The following TGM4 variants were observed in gnomAD, a reference collection of about 807,000 sequenced individuals.
The protein encoded by TGM4 is transglutaminase 4.
Under a neutral mutation model 76.3 loss-of-function variants are expected in TGM4, and 61 were observed. The observed-to-expected ratio is 0.80, with a 90% CI of 0.65 to 0.99. TGM4 has a LOEUF of 0.99. Ranked by LOEUF, TGM4 falls within the 50% of genes least tolerant of loss-of-function variation. TGM4 has a pLI of 0.00. For synonymous variants in TGM4, 337 were observed against 329.8 expected, an observed-to-expected ratio of 1.02 and a Z score of -0.24; for missense variants, 794 against 843.2, an observed-to-expected ratio of 0.94 and a Z score of 0.72.
intron 1 of TGM4, 144 bp downstream of exon 1, chr3:44,874,841 T>C: frequency 1.1e-6 from 1 of 898,366 alleles, no homozygotes; most frequent in Non-Finnish European, 1.7e-6. Context: ...TTCTGTCTCA[T>C]CCCTTTTTAG....
intron 3 of TGM4, among the ~76,000 whole-genome samples, chr3:44,889,345 A>C (rs1699657421): frequency 1.3e-5 from 2 of 152,044 alleles, no homozygotes; most frequent in South Asian, 4.1e-4. Context: ...TTCTCTCCAG[A>C]GGGTGCTGGA....
intron 8 of TGM4, chr3:44,903,594 G>A (rs1035523813): frequency 7.3e-6 from 3 of 410,714 alleles, no homozygotes; most frequent in Non-Finnish European, 1.3e-5. Flanking sequence ...ACCATCTCTA[G>A]TGGTGAAGAC....
At chr3:44,905,715 G>A (rs1270542930) in intron 9 of TGM4, among the ~76,000 whole-genome samples, 2 of 152,236 alleles carry the variant, frequency 1.3e-5, no homozygotes, top group Non-Finnish European at 2.9e-5. Context: ...AAAAAATGCT[G>A]TTAAAAGTGA....
At chr3:44,901,757 C>A in intron 7 of TGM4, 36 bp from the exon 8 acceptor site, 1 of 1,613,074 alleles carries the variant, frequency 6.2e-7, no homozygotes, top group African/African-American at 1.3e-5. Context: ...TCCCAGCCCC[C>A]ACAGTTGCCA....
At chr3:44,882,182 C>T (rs751818055) in intron 1 of TGM4, among the ~76,000 whole-genome samples, 1 of 149,308 alleles carries the variant, frequency 6.7e-6, no homozygotes, top group Non-Finnish European at 1.5e-5. Context: ...AAGTGATTCT[C>T]CCACCTCAGT....
intron 6 of TGM4, among the ~76,000 whole-genome samples, chr3:44,897,162 G>C (rs1285418220): frequency 6.6e-6 from 1 of 151,950 alleles, no homozygotes; most frequent in Non-Finnish European, 1.5e-5. Flanking sequence ...ATGCCACCAC[G>C]CCCGGCTAAT....
chr3:44,881,681 A>G (rs1256614155), intron 1 of TGM4, among the ~76,000 whole-genome samples: 1 of 152,258 alleles, frequency 6.6e-6, no homozygotes, highest in Non-Finnish European at 1.5e-5. Context: ...TCTAAGGCTG[A>G]CAATTTCACA....
chr3:44,898,017 C>A (rs1348785919), intron 6 of TGM4, among the ~76,000 whole-genome samples: 1 of 152,206 alleles, frequency 6.6e-6, no homozygotes, highest in African/African-American at 2.4e-5. Context: ...CGTGGTGGCT[C>A]AGGCCTGTAA....
chr3:44,901,416 T>G, intron 6 of TGM4, 108 bp from the exon 7 acceptor site: 21 of 1,327,924 alleles, frequency 1.6e-5, no homozygotes, highest in Non-Finnish European at 1.9e-5. Flanking sequence ...CCAAGTACTC[T>G]GAGACATTAT....
chr3:44,884,038 G>A (rs541249870), intron 1 of TGM4, among the ~76,000 whole-genome samples: 8 of 152,272 alleles, frequency 5.3e-5, no homozygotes, highest in African/African-American at 1.4e-4. Context: ...GCAGCACAGC[G>A]TCATCAAGGA....
rs1699931674 is a variant in TGM4, at chr3:44,907,057, T to A, written c.1184T>A (p.Ile395Asn). 6.2e-7 allele frequency: 1 copy of A among 1,614,102 alleles called. No individual in the cohort carries two copies. The change falls in exon 10 of 14, where the codon ATC (isoleucine) becomes AAC (asparagine). Residue 395 changes from isoleucine to asparagine, a missense_variant. Transcript: ENST00000296125. The stretch of plus-strand genomic sequence containing the variant: ...TCAGAAGTGAATGGTGACAGGCTCA[T>A]CTGGTTGGTGAAGATGGTGAATGGG... ...VFSEVNGDRL[I>N]WLVKMVNGQE...
Position 44,887,740 on chromosome 3 carries a change from C to T in TGM4, c.245C>T (p.Thr82Met), listed in dbSNP as rs754139975. ...KHTLVVLDPR[T>M]PSDHYNWQAT... ...ACCCTGGTGGTGCTCGACCCGAGGA[C>T]GCCCTCAGACCACTACAACTGGCAG... Residue 82 changes from threonine (T) to methionine (M), a missense_variant, in exon 3 of 14, where the codon ACG becomes ATG. Physicochemically the swap from Thr to Met is moderately conservative, Grantham distance 81 (BLOSUM62 -1). Transcript: ENST00000296125. 2.0e-5 allele frequency: 33 copies of T among 1,614,048 alleles called. No individual in the cohort carries two copies. The highest frequency in any genetic ancestry group is 1.3e-4 in the South Asian group (12 of 91,090).
intron 5 of TGM4, 22 bp from the exon 6 acceptor site, chr3:44,896,687 C>A (rs1327037999): frequency 2.5e-6 from 4 of 1,612,814 alleles, no homozygotes; most frequent in Middle Eastern, 1.7e-4. Context: ...TTAACTGCCT[C>A]TTTCTTCATT....
At chr3:44,890,520 G>A in intron 3 of TGM4, 83 bp from the exon 4 acceptor site, 1 of 1,560,724 alleles carries the variant, frequency 6.4e-7, no homozygotes, top group Non-Finnish European at 8.7e-7. Context: ...TGTTAGGACT[G>A]ACGGATTCTT....
At chr3:44,890,047 G>A (rs775578818) in intron 3 of TGM4, among the ~76,000 whole-genome samples, 3 of 152,204 alleles carry the variant, frequency 2.0e-5, no homozygotes, top group Non-Finnish European at 2.9e-5. Context: ...GAGAGAGCGA[G>A]AAAGAGCAGG....
chr3:44,903,130 A>G (rs938938805), intron 8 of TGM4, among the ~76,000 whole-genome samples: 11 of 152,200 alleles, frequency 7.2e-5, no homozygotes, highest in South Asian at 2.1e-4. Context: ...GATTTTTTCA[A>G]CTGAGTACAG....
At chr3:44,885,187 C>G in intron 1 of TGM4, 138 bp from the exon 2 acceptor site, 2 of 801,194 alleles carry the variant, frequency 2.5e-6, no homozygotes, top group Non-Finnish European at 3.9e-6. Flanking sequence ...TCATAACCAG[C>G]TGGAGGTGGA....
intron 1 of TGM4, among the ~76,000 whole-genome samples, chr3:44,880,135 A>G (rs745546048): frequency 1.3e-5 from 2 of 152,222 alleles, no homozygotes; most frequent in South Asian, 2.1e-4. Flanking sequence ...TCTGTATATT[A>G]TCTGATTTCT....
intron 9 of TGM4, among the ~76,000 whole-genome samples, chr3:44,905,279 C>G (rs549413541): frequency 8.9e-4 from 127 of 142,858 alleles, no homozygotes; most frequent in African/African-American, 3.3e-3. Flanking sequence ...AACCACCGCA[C>G]CCAGCCTCAA....
Sources: gnomAD v4.1 joint callset for allele counts (sites outside exome capture counted in the v4.1 genomes callset) on GRCh38, gnomAD v4.1.1 for gene constraint, MANE v1.5 for transcripts, NCBI Gene and HGNC (gene_info 2026-07-23, HGNC 2026-07-21) for gene names.